The following ABCA13 variants were observed in gnomAD, a reference collection of about 807,000 sequenced individuals.
The protein encoded by ABCA13 is ATP-binding cassette sub-family A member 13.
ABCA13 carries 476 observed loss-of-function variants against 478.7 expected under a neutral mutation model. The ratio of observed to expected loss-of-function variants is 0.99; its 90% CI spans 0.92 to 1.07. ABCA13 has a LOEUF of 1.07. Among genes scored for constraint, ABCA13 ranks in the 50% least tolerant of loss-of-function variants. The pLI, the probability that ABCA13 is intolerant of heterozygous loss-of-function variation, is 0.00. For synonymous variants in ABCA13, 2,252 were observed against 2,158.9 expected, an observed-to-expected ratio of 1.04 and a Z score of -1.20; for missense variants, 6,060 against 5,910.6, an observed-to-expected ratio of 1.03 and a Z score of -0.83.
At chr7:48,172,755 G>A (rs1038727789) in intron 1 of ABCA13, among the ~76,000 whole-genome samples, 1 of 121,572 alleles carries the variant, frequency 8.2e-6, no homozygotes, top group African/African-American at 3.1e-5. Flanking sequence ...CCGAGATCGC[G>A]CCACTGCACT....
At chr7:48,177,708 G>C (rs1471183210) in intron 1 of ABCA13, among the ~76,000 whole-genome samples, 1 of 152,228 alleles carries the variant, frequency 6.6e-6, no homozygotes, top group Non-Finnish European at 1.5e-5. Flanking sequence ...TAGTGCAGGT[G>C]AGATGGAACT....
intron 35 of ABCA13, among the ~76,000 whole-genome samples, chr7:48,379,469 A>T (rs960084253): frequency 1.3e-5 from 2 of 152,170 alleles, no homozygotes; most frequent in African/African-American, 4.8e-5. Flanking sequence ...AATGTAATTT[A>T]AAAATTTTAA....
intron 57 of ABCA13, among the ~76,000 whole-genome samples, chr7:48,591,993 T>C (rs1031146474): frequency 6.6e-6 from 1 of 151,960 alleles, no homozygotes; most frequent in Non-Finnish European, 1.5e-5. Flanking sequence ...TAGTATTATG[T>C]TGAATAGAAG....
In ABCA13 at chr7:48,268,994, T is replaced by A. The variant is rs1214185811; in HGVS notation, c.2020T>A (p.Ser674Thr). ...TTTTTATTTAGCTTTTCCTGAGGAA[T>A]CTCCTTGTTTTGAAGAAAACATGGA... ...QNRLLAFPEE[S>T]PCFEENMDWK... The change falls in exon 16 of 62, where the codon TCT (serine) becomes ACT (threonine). Residue 674 changes from serine to threonine, a missense_variant. Physicochemically the swap from Ser to Thr is moderately conservative, Grantham distance 58 (BLOSUM62 1). This residue lies in a region of ABCA13 where 4,423 missense variants were observed against 4,309.1 expected (regional missense o/e 1.03). Transcript: ENST00000435803. 1 of 1,572,938 alleles carries A rather than the reference T, an allele frequency of 6.4e-7. No individual in the cohort carries two copies. The highest frequency in any genetic ancestry group is 8.7e-7 in the Non-Finnish European group (1 of 1,146,262).
chr7:48,244,781 T>A lies in ABCA13; in HGVS notation c.1390+78T>A, dbSNP rs1468762021. On this transcript the variant is annotated intron_variant, in intron 11 of 61. Coordinates refer to ENST00000435803, the MANE Select transcript of ABCA13 (RefSeq NM_152701.5). ...ATTTATTGGAAAATGGACTTGAAAC[T>A]GCCTGACACATTGTAAAGTTGGGAG... 3 of 1,486,914 alleles carry A rather than the reference T, an allele frequency of 2.0e-6. No homozygotes were observed. In the East Asian group the frequency reaches 6.9e-5, roughly 34 times the overall value. 92.1% of individuals were successfully genotyped at this position (1,486,914 alleles called of 1,614,324 possible). A position where few individuals can be genotyped will look rare whatever the true frequency, so the allele number is the denominator to read the frequency against.
Position 48,389,127 on chromosome 7 carries a change from A to C in ABCA13, c.11561A>C (p.His3854Pro), listed in dbSNP as rs923288586. Residue 3854 changes from histidine (H) to proline (P), a missense_variant, in exon 37 of 62, where the codon CAC becomes CCC. Physicochemically the swap from His to Pro is moderately conservative, Grantham distance 77 (BLOSUM62 -2). Coordinates refer to ENST00000435803, the MANE Select transcript of ABCA13 (RefSeq NM_152701.5). Reference sequence around the variant, plus strand: ...TCTGTGACCAAGGAATATGAGGGCCACAAGGCTGTGGTCCAAGACCTCAGC... The same window carrying C: ...TCTGTGACCAAGGAATATGAGGGCCCCAAGGCTGTGGTCCAAGACCTCAGC... ...LVSVTKEYEGHKAVVQDLSLT... is the reference protein window; with the variant it reads ...LVSVTKEYEGPKAVVQDLSLT... The C allele has an allele frequency of 6.2e-7, 1 of 1,613,990 alleles. No homozygotes were observed. The highest frequency in any genetic ancestry group is 1.7e-5 in the Admixed American group (1 of 60,024).
chr7:48,639,955 T>C (rs751791723), intron 59 of ABCA13, among the ~76,000 whole-genome samples: 4 of 152,326 alleles, frequency 2.6e-5, no homozygotes, highest in Non-Finnish European at 5.9e-5. Context: ...GTGCTCATTA[T>C]TTTAGAATTC....
chr7:48,548,440 GA>G (rs1785012202), intron 55 of ABCA13, among the ~76,000 whole-genome samples: 1 of 151,774 alleles, frequency 6.6e-6, no homozygotes, highest in South Asian at 2.1e-4. Context: ...TGTTAATCTA[GA>G]ATCTATTTTT....
intron 38 of ABCA13, 107 bp from the exon 39 acceptor site, chr7:48,403,576 T>G: frequency 2.7e-6 from 3 of 1,104,154 alleles, no homozygotes; most frequent in Non-Finnish European, 3.9e-6. Context: ...GATATATTTG[T>G]GGTTTATAAC....
At chr7:48,361,459 C>T (rs1175886926) in intron 31 of ABCA13, among the ~76,000 whole-genome samples, 1 of 151,548 alleles carries the variant, frequency 6.6e-6, no homozygotes, top group African/African-American at 2.4e-5. Context: ...TCTTATTTGA[C>T]TTCTGTTTTC....
chr7:48,317,031 A>G, intron 26 of ABCA13, 126 bp from the exon 27 acceptor site: 1 of 1,158,114 alleles, frequency 8.6e-7, no homozygotes, highest in Non-Finnish European at 1.2e-6. Flanking sequence ...CAAAGTTCAG[A>G]GTGGTGTCAG....
chr7:48,275,965 A>T lies in ABCA13; in HGVS notation c.6299A>T (p.Gln2100Leu). The T allele has an allele frequency of 1.2e-6, 2 of 1,613,702 alleles. No homozygotes were observed. The highest frequency in any genetic ancestry group is 1.7e-6 in the Non-Finnish European group (2 of 1,179,804). ...NSMALQKITL[Q>L]FAHFLEILDS... ...ATGGCTCTTCAAAAGATAACTTTGCAGTTTGCCCATTTCCTGGAAATCCTG... is the reference window on the plus strand; with the variant it reads ...ATGGCTCTTCAAAAGATAACTTTGCTGTTTGCCCATTTCCTGGAAATCCTG... Residue 2100 changes from glutamine to leucine, a missense_variant, in exon 17 of 62, where the codon CAG becomes CTG. Gln to Leu is a moderately radical substitution (Grantham distance 113). Around this residue, in one of 3 missense-constraint regions of ABCA13, gnomAD observed 4,423 missense variants for 4,309.1 expected, o/e 1.03. Coordinates refer to ENST00000435803, the MANE Select transcript of ABCA13 (RefSeq NM_152701.5).
intron 35 of ABCA13, among the ~76,000 whole-genome samples, chr7:48,381,091 C>A (rs1286861250): frequency 1.3e-5 from 2 of 152,206 alleles, no homozygotes; most frequent in African/African-American, 4.8e-5. Context: ...CCCCTCCCTA[C>A]TTCCCCTGTC....
chr7:48,245,643 A>AT, intron 12 of ABCA13, 31 bp downstream of exon 12: 1 of 1,582,034 alleles, frequency 6.3e-7, no homozygotes, highest in African/African-American at 1.4e-5. Context: ...ATAAATAAGC[A>AT]TTTTTAATAA....
At chr7:48,616,102 A>G (rs1043123710) in intron 59 of ABCA13, among the ~76,000 whole-genome samples, 1 of 152,152 alleles carries the variant, frequency 6.6e-6, no homozygotes, top group Non-Finnish European at 1.5e-5. Flanking sequence ...TTATTCATTT[A>G]TGTTGATAAA....
At position 48,276,152 on chromosome 7, in the gene ABCA13, CA is replaced by C; in HGVS notation, c.6489del (p.Ala2164LeufsTer9). 6.3e-7 allele frequency: 1 copy of C among 1,596,286 alleles called. No homozygotes were observed. The highest frequency in any genetic ancestry group is 8.5e-7 in the Non-Finnish European group (1 of 1,171,374). ...CAACTGAAGATATAGCTTTGTTAGC[CA>C]AAGCTATTGCTACTTTTTGGGGCTC... ...SSTEDIALLA[K>X]AIATFWGSLK... is the part of the protein sequence containing the mutation. On this transcript the variant is annotated frameshift_variant, in exon 17 of 62. Coordinates refer to ENST00000435803, the MANE Select transcript of ABCA13 (RefSeq NM_152701.5). LOFTEE classifies it high-confidence loss of function.
intron 55 of ABCA13, among the ~76,000 whole-genome samples, chr7:48,557,675 GTCT>G (rs1210331445): frequency 1.3e-5 from 2 of 152,022 alleles, no homozygotes; most frequent in African/African-American, 4.8e-5. Flanking sequence ...GCTCAGAGTA[GTCT>G]TCTTTTGGTT....
chr7:48,313,140 T>A lies in ABCA13; in HGVS notation c.9590T>A (p.Leu3197His), dbSNP rs766445936. The change falls in exon 25 of 62, where the codon CTT becomes CAT. Residue 3197 changes from leucine to histidine, a missense_variant. This residue lies in a region of ABCA13 where 4,423 missense variants were observed against 4,309.1 expected (regional missense o/e 1.03). Transcript: ENST00000435803. ...LDIVSSLSAL[L>H]AKAQHVFEYL... is the part of the protein sequence containing the mutation. ...ATAGTTTCCAGCCTCAGCGCCTTGC[T>A]TGCCAAAGCCCAGCACGTCTTTGAG... The A allele has an allele frequency of 6.2e-7, 1 of 1,613,290 alleles. No individual in the cohort carries two copies. Among genetic ancestry groups the A allele is most frequent in the East Asian group, 2.2e-5 (1 of 44,866 alleles).
chr7:48,325,774 C>T (rs572816942), intron 27 of ABCA13, among the ~76,000 whole-genome samples: 1 of 152,310 alleles, frequency 6.6e-6, no homozygotes, highest in Admixed American at 6.5e-5. Context: ...CAGGGAATAA[C>T]TCTTGCCCCT....
Sources: allele counts gnomAD v4.1 joint callset (sites outside exome capture counted in the v4.1 genomes callset), GRCh38; gene constraint gnomAD v4.1.1; regional missense constraint gnomAD v4.1.1; transcripts MANE v1.5; gene names NCBI Gene and HGNC (gene_info 2026-07-23, HGNC 2026-07-21).